LRFN5: variants seen among roughly 807,000 people sequenced by gnomAD.
LRFN5 encodes leucine-rich repeat and fibronectin type-III domain-containing protein 5.
Under a neutral mutation model 45.6 loss-of-function variants are expected in LRFN5, and 24 were observed. The ratio of observed to expected loss-of-function variants is 0.53; its 90% CI spans 0.38 to 0.74. The LOEUF (loss-of-function observed/expected upper bound fraction) is 0.74, where lower values mean the gene tolerates loss of function less well. LRFN5 is among the 30% of genes least tolerant of loss of function. The pLI is 0.00. For missense variants in LRFN5, 776 were observed against 861.5 expected (o/e 0.90, Z 1.24); for synonymous variants, 340 against 313.8 (o/e 1.08, Z -0.88).
chr14:41,796,704 G>A (rs936822104), intron 2 of LRFN5, among the ~76,000 whole-genome samples: 8 of 151,654 alleles, frequency 5.3e-5, no homozygotes, highest in Non-Finnish European at 8.8e-5. Context: ...ATAGAATTCC[G>A]CATGAATCTC....
intron 2 of LRFN5, among the ~76,000 whole-genome samples, chr14:41,787,528 G>A (rs1886769083): frequency 6.6e-6 from 1 of 150,628 alleles, no homozygotes; most frequent in Non-Finnish European, 1.5e-5. Flanking sequence ...TTTTCTAGTG[G>A]CTTAAAAAAT....
intron 1 of LRFN5, among the ~76,000 whole-genome samples, chr14:41,723,547 G>A (rs1883811016): frequency 6.6e-6 from 1 of 152,084 alleles, no homozygotes; most frequent in African/African-American, 2.4e-5. Flanking sequence ...ATCTTCCCAG[G>A]AGTGGAGCAG....
chr14:41,666,473 C>A (rs945909716), intron 1 of LRFN5, among the ~76,000 whole-genome samples: 3 of 152,068 alleles, frequency 2.0e-5, no homozygotes, highest in African/African-American at 7.2e-5. Flanking sequence ...TATTTCAAAT[C>A]ATCATGACTA....
At chr14:41,640,200 A>G (rs1049268556) in intron 1 of LRFN5, among the ~76,000 whole-genome samples, 2 of 151,986 alleles carry the variant, frequency 1.3e-5, no homozygotes, top group African/African-American at 4.8e-5. Context: ...GTCCGTCTGA[A>G]GGCCCTGACA....
intron 1 of LRFN5, among the ~76,000 whole-genome samples, chr14:41,763,183 C>G (rs1885740518): frequency 6.6e-6 from 1 of 152,144 alleles, no homozygotes; most frequent in Non-Finnish European, 1.5e-5. Context: ...CTTTCACATA[C>G]ATTGTATCTT....
At chr14:41,804,130 G>T (rs891704583) in intron 2 of LRFN5, among the ~76,000 whole-genome samples, 1 of 152,096 alleles carries the variant, frequency 6.6e-6, no homozygotes, top group Non-Finnish European at 1.5e-5. Flanking sequence ...GAAAGTGCTG[G>T]GGTTGCAGTC....
intron 1 of LRFN5, among the ~76,000 whole-genome samples, chr14:41,671,617 G>GTTTTTTGTTTT (rs1881225344): frequency 1.3e-5 from 1 of 78,020 alleles, no homozygotes; most frequent in African/African-American, 5.4e-5. Flanking sequence ...TTTTTTTTTC[G>GTTTTTTGTTTT]TTTTTTTTTT....
intron 1 of LRFN5, among the ~76,000 whole-genome samples, chr14:41,730,524 A>T (rs1884124811): frequency 6.6e-6 from 1 of 151,990 alleles, no homozygotes; most frequent in Admixed American, 6.6e-5. Flanking sequence ...TCCAGAAAGG[A>T]TTTCCACAGG....
intron 2 of LRFN5, among the ~76,000 whole-genome samples, chr14:41,858,020 T>C (rs1889532754): frequency 1.3e-5 from 2 of 152,180 alleles, no homozygotes; most frequent in African/African-American, 4.8e-5. Context: ...TAGAGCTAAA[T>C]TGGAGAAAGT....
chr14:41,661,451 A>C (rs955210976), intron 1 of LRFN5, among the ~76,000 whole-genome samples: 2 of 152,054 alleles, frequency 1.3e-5, no homozygotes, highest in African/African-American at 4.8e-5. Context: ...AAGTGGTTCA[A>C]GGCCTACATT....
chr14:41,755,213 G>T (rs141647522), intron 1 of LRFN5, among the ~76,000 whole-genome samples: 1 of 152,278 alleles, frequency 6.6e-6, no homozygotes, highest in East Asian at 1.9e-4. Context: ...AATCAGTGCA[G>T]TGTGGTGCTG....
intron 1 of LRFN5, among the ~76,000 whole-genome samples, chr14:41,763,499 T>C (rs1885754258): frequency 6.6e-6 from 1 of 152,226 alleles, no homozygotes; most frequent in African/African-American, 2.4e-5. Flanking sequence ...CCTTATGTGG[T>C]TTGGCTTTGT....
At chr14:41,795,779 G>A (rs1887103745) in intron 2 of LRFN5, among the ~76,000 whole-genome samples, 2 of 151,902 alleles carry the variant, frequency 1.3e-5, no homozygotes, top group South Asian at 2.1e-4. Flanking sequence ...CCTGTCGTAG[G>A]TTGGGGGGAG....
intron 2 of LRFN5, among the ~76,000 whole-genome samples, chr14:41,777,912 G>C (rs1886347511): frequency 6.8e-6 from 1 of 147,274 alleles, no homozygotes. Flanking sequence ...CCTTAATCCT[G>C]TTTCTGACTC....
chr14:41,888,353 C>T (rs1266050394), intron 3 of LRFN5, among the ~76,000 whole-genome samples: 1 of 152,084 alleles, frequency 6.6e-6, no homozygotes. Context: ...AAGGAAGCCA[C>T]GTTGGGAGGC....
chr14:41,891,889 C>T lies in LRFN5; in HGVS notation c.2025C>T (p.Ala675=). 1.2e-6 allele frequency: 2 copies of T among 1,614,184 alleles called. No homozygotes were observed. Among genetic ancestry groups the T allele is most frequent in the Non-Finnish European group, 1.7e-6 (2 of 1,180,042 alleles). ...SQNTNRNNST[A]LQLASRPPDS... ...ACACTAACAGGAACAACTCAACTGCCTTGCAGTTAGCTAGCCGTCCTCCCG... is the reference window on the plus strand; with the variant it reads ...ACACTAACAGGAACAACTCAACTGCTTTGCAGTTAGCTAGCCGTCCTCCCG... The change falls in exon 4 of 6, where the codon GCC becomes GCT. Residue 675 remains alanine (A), a synonymous_variant. Transcript: ENST00000298119.
chr14:41,803,271 C>T (rs1887401595), intron 2 of LRFN5, among the ~76,000 whole-genome samples: 1 of 152,034 alleles, frequency 6.6e-6, no homozygotes, highest in Admixed American at 6.6e-5. Flanking sequence ...ACATTCTTTT[C>T]CAAAACTACA....
intron 1 of LRFN5, among the ~76,000 whole-genome samples, chr14:41,614,149 T>G (rs937004172): frequency 6.6e-6 from 1 of 152,044 alleles, no homozygotes; most frequent in Non-Finnish European, 1.5e-5. Flanking sequence ...TTGTCAAGTT[T>G]TTGAATGGTT....
chr14:41,652,252 TG>T (rs1880163345), intron 1 of LRFN5, among the ~76,000 whole-genome samples: 1 of 152,144 alleles, frequency 6.6e-6, no homozygotes, highest in African/African-American at 2.4e-5. Flanking sequence ...CATATTTTAA[TG>T]TAGCATGTTG....
Sources: allele counts gnomAD v4.1 joint callset (sites outside exome capture counted in the v4.1 genomes callset), GRCh38; gene constraint gnomAD v4.1.1; transcripts MANE v1.5; gene names NCBI Gene and HGNC (gene_info 2026-07-23, HGNC 2026-07-21).